Variants in PHLPP1 observed in about 807,000 individuals in gnomAD.
The protein encoded by PHLPP1 is PH domain leucine-rich repeat-containing protein phosphatase 1.
PHLPP1 carries 42 observed loss-of-function variants against 117.2 expected under a neutral mutation model. The observed-to-expected ratio is 0.36, with a 90% CI of 0.28 to 0.46. The LOEUF (loss-of-function observed/expected upper bound fraction) is 0.46, where lower values mean the gene tolerates loss of function less well. PHLPP1 is among the 20% of genes least tolerant of loss of function. PHLPP1 has a pLI of 1.00. For missense variants in PHLPP1, 2,084 were observed against 2,241.9 expected (o/e 0.93, Z 1.42); for synonymous variants, 1,042 against 970.7 (o/e 1.07, Z -1.37).
Position 62,715,961 on chromosome 18 carries a change from G to A in PHLPP1, c.278G>A (p.Arg93Lys), listed in dbSNP as rs1910711895. The A allele has an allele frequency of 8.3e-7, 1 of 1,210,242 alleles. No individual in the cohort carries two copies. The highest frequency in any genetic ancestry group is 3.9e-5 in the South Asian group (1 of 25,414). The allele number at this position is 1,210,242 out of a possible 1,614,324, so 75.0% of individuals were successfully genotyped here. Residue 93 changes from arginine to lysine, a missense_variant, in exon 1 of 17, where the codon AGG becomes AAG. By Grantham distance (26) the Arg-to-Lys change is conservative. Around this residue, in one of 2 missense-constraint regions of PHLPP1, gnomAD observed 719 missense variants for 636.0 expected, o/e 1.13. Transcript: ENST00000262719. The part of the protein sequence containing the change: ...LPGRAGGAGR[R>K]RRRGAPQPIA... ...GGCAGAGCGGGGGGTGCCGGGCGCA[G>A]GAGGCGGCGCGGGGCGCCCCAGCCC...
intron 3 of PHLPP1, among the ~76,000 whole-genome samples, chr18:62,846,085 TGTAATCCCAGCTACCC>T (rs2144347633): frequency 6.6e-6 from 1 of 151,868 alleles, no homozygotes; most frequent in Non-Finnish European, 1.5e-5. Context: ...GGCAGGTGCC[TGTAATCCCAGCTACCC>T]GGGAGGCTGA....
chr18:62,914,246 A>G (rs147100516), intron 8 of PHLPP1, among the ~76,000 whole-genome samples: 2 of 152,316 alleles, frequency 1.3e-5, no homozygotes, highest in African/African-American at 4.8e-5. Flanking sequence ...AAGTGTAAAA[A>G]TACAAATTTG....
chr18:62,780,726 C>G (rs1443730104), intron 1 of PHLPP1, among the ~76,000 whole-genome samples: 2 of 152,164 alleles, frequency 1.3e-5, no homozygotes, highest in East Asian at 3.8e-4. Flanking sequence ...ATCCAAGAAC[C>G]ATGCTTGGAG....
At chr18:62,812,453 G>T (rs1458240987) in intron 1 of PHLPP1, among the ~76,000 whole-genome samples, 2 of 152,168 alleles carry the variant, frequency 1.3e-5, no homozygotes, top group Admixed American at 6.5e-5. Flanking sequence ...TCTAAAGGAG[G>T]TAGCTACGTA....
intron 2 of PHLPP1, 163 bp from the exon 3 acceptor site, chr18:62,838,621 A>C (rs1914972368): frequency 3.5e-6 from 2 of 577,394 alleles, no homozygotes; most frequent in Admixed American, 3.2e-5. Context: ...TTGTAATTCA[A>C]ATTGGGTGAT....
intron 4 of PHLPP1, among the ~76,000 whole-genome samples, chr18:62,894,141 A>C (rs923431324): frequency 2.0e-5 from 3 of 152,190 alleles, no homozygotes; most frequent in African/African-American, 7.2e-5. Context: ...GAGAGCTAAG[A>C]AGAAGGGTGT....
intron 1 of PHLPP1, among the ~76,000 whole-genome samples, chr18:62,735,109 A>AT (rs1164269066): frequency 6.8e-6 from 1 of 148,002 alleles, no homozygotes; most frequent in African/African-American, 2.5e-5. Context: ...TAGTGGTGCG[A>AT]TTTCCACTCA....
At chr18:62,760,837 A>C (rs145360457) in intron 1 of PHLPP1, among the ~76,000 whole-genome samples, 120 of 152,262 alleles carry the variant, frequency 7.9e-4, no homozygotes, top group African/African-American at 2.8e-3. Flanking sequence ...TCTTGGAATG[A>C]GTGTCTCCCT....
At chr18:62,782,310 G>A (rs1270879352) in intron 1 of PHLPP1, among the ~76,000 whole-genome samples, 2 of 152,162 alleles carry the variant, frequency 1.3e-5, no homozygotes, top group Admixed American at 1.3e-4. Flanking sequence ...ACCAAGTAAG[G>A]GTTGTGGAGA....
rs1415934819 is a variant in PHLPP1 at position 62,764,181 on chromosome 18, AAAC to A, written c.1576+46932_1576+46934del. On this transcript the variant is annotated intron_variant, in intron 1 of 16. Coordinates refer to ENST00000262719, the MANE Select transcript of PHLPP1 (RefSeq NM_194449.4). ...TCCATCTCAAAAAAAAAAAAAAAAA[AAAC>A]AACAACAACCAAAAAAACACAAAAC... 5.9e-3 allele frequency among the ~76,000 whole-genome samples: 856 copies of A among 145,730 alleles called. 3 individuals carry two copies. Among genetic ancestry groups the A allele is most frequent in the Middle Eastern group, 0.01 (3 of 286 alleles).
intron 1 of PHLPP1, among the ~76,000 whole-genome samples, chr18:62,793,001 C>T (rs906187432): frequency 3.9e-5 from 6 of 151,942 alleles, no homozygotes; most frequent in Admixed American, 3.3e-4. Context: ...ATGGTGTAAC[C>T]CTGTCTCTAC....
intron 3 of PHLPP1, among the ~76,000 whole-genome samples, chr18:62,847,924 C>A (rs769026581): frequency 6.6e-6 from 1 of 152,180 alleles, no homozygotes; most frequent in African/African-American, 2.4e-5. Context: ...CAAGAAAATT[C>A]GACTCCCTTT....
Position 62,716,549 on chromosome 18 carries a change from G to C in PHLPP1, c.866G>C (p.Gly289Ala). Residue 289 changes from glycine to alanine, a missense_variant, in exon 1 of 17, where the codon GGT becomes GCT. By Grantham distance (60) the Gly-to-Ala change is moderately conservative. Transcript: ENST00000262719. The surrounding 1 kb of genome is among the most constrained non-coding windows in gnomAD (Gnocchi z 5.7). ...SEVPPARSAP[G>A]AFGGPPRAPP... ...GTACCGCCCGCGAGGAGCGCGCCGG[G>C]TGCCTTCGGGGGGCCTCCGCGCGCG... 3.4e-6 allele frequency: 4 copies of C among 1,184,756 alleles called. No homozygotes were observed. Among genetic ancestry groups the C allele is most frequent in the Non-Finnish European group, 3.1e-6 (3 of 958,264 alleles). 73.4% of individuals were successfully genotyped at this position (1,184,756 alleles called of 1,614,324 possible).
At chr18:62,813,735 T>A (rs1185219124) in intron 1 of PHLPP1, among the ~76,000 whole-genome samples, 1 of 152,220 alleles carries the variant, frequency 6.6e-6, no homozygotes, top group African/African-American at 2.4e-5. Flanking sequence ...AATCTCTGTT[T>A]TAGCAAGACT....
intron 1 of PHLPP1, among the ~76,000 whole-genome samples, chr18:62,737,475 AG>A (rs1911403183): frequency 6.6e-6 from 1 of 152,226 alleles, no homozygotes; most frequent in African/African-American, 2.4e-5. Flanking sequence ...GGGACTAACT[AG>A]AAACTTGAAG....
At chr18:62,764,624 T>A (rs1912399541) in intron 1 of PHLPP1, among the ~76,000 whole-genome samples, 1 of 152,024 alleles carries the variant, frequency 6.6e-6, no homozygotes, top group African/African-American at 2.4e-5. Flanking sequence ...TGGTGGCGCA[T>A]GCCTGTAAGC....
At chr18:62,782,058 A>T (rs1913134320) in intron 1 of PHLPP1, among the ~76,000 whole-genome samples, 1 of 152,170 alleles carries the variant, frequency 6.6e-6, no homozygotes, top group African/African-American at 2.4e-5. Flanking sequence ...TGTTGTCCTA[A>T]GTCCTATTGT....
In PHLPP1 at chr18:62,977,844, G is replaced by C. The variant is rs116150177; in HGVS notation, c.3985-418G>C. Among the ~76,000 whole-genome samples, 746 of 152,286 alleles carry C rather than the reference G, an allele frequency of 4.9e-3. 4 individuals carry two copies. The highest frequency in any genetic ancestry group is 0.017 in the African/African-American group (712 of 41,534). On this transcript the variant is annotated intron_variant, in intron 16 of 16. Transcript: ENST00000262719. Reference sequence around the variant, plus strand: ...CTACCTCAGAGTCTTCCTACACCCAGCCCGTCTGAGGGCCGATCCTTGATC... The same window carrying C: ...CTACCTCAGAGTCTTCCTACACCCACCCCGTCTGAGGGCCGATCCTTGATC...
chr18:62,741,755 A>G (rs561769966), intron 1 of PHLPP1, among the ~76,000 whole-genome samples: 5 of 151,230 alleles, frequency 3.3e-5, no homozygotes, highest in African/African-American at 9.7e-5. Flanking sequence ...TGAGGACTGA[A>G]TAGTAGCTTG....
Sources: gnomAD v4.1 joint callset for allele counts (sites outside exome capture counted in the v4.1 genomes callset) on GRCh38, gnomAD v4.1.1 for gene constraint, gnomAD v4.1.1 regional missense constraint, Gnocchi (gnomAD v3.1) non-coding constraint, MANE v1.5 for transcripts, NCBI Gene and HGNC (gene_info 2026-07-23, HGNC 2026-07-21) for gene names.